KIF26B: variants seen among roughly 807,000 people sequenced by gnomAD.
KIF26B encodes kinesin family member 26B.
Under a neutral mutation model 151.2 loss-of-function variants are expected in KIF26B, and 63 were observed. The observed-to-expected ratio is 0.42, with a 90% CI of 0.34 to 0.51. KIF26B has a LOEUF of 0.51. KIF26B is among the 20% of genes least tolerant of loss of function. The pLI is 0.07. For missense variants in KIF26B, 2,813 were observed against 2,913.6 expected, an observed-to-expected ratio of 0.97 and a Z score of 0.79; for synonymous variants, 1,357 against 1,262.1, an observed-to-expected ratio of 1.08 and a Z score of -1.59.
Position 245,606,829 on chromosome 1 carries a change from G to A in KIF26B, c.1558-822G>A, listed in dbSNP as rs562697084. The stretch of plus-strand genomic sequence containing the variant: ...TGTAATCCCAGCACTTTGGGAGGCC[G>A]AGGCGGGTGGATCACCTGAGGTCAG... On this transcript the variant is annotated intron_variant, in intron 6 of 14. Transcript: ENST00000407071. This position sits in a 1 kb window ranked among gnomAD's most constrained non-coding sequence, Gnocchi z 4.6. 2.0e-5 allele frequency among the ~76,000 whole-genome samples: 3 copies of A among 152,164 alleles called. No homozygotes were observed. Among genetic ancestry groups the A allele is most frequent in the Non-Finnish European group, 2.9e-5 (2 of 68,028 alleles).
intron 2 of KIF26B, among the ~76,000 whole-genome samples, chr1:245,274,428 T>C (rs1573746637): frequency 6.7e-6 from 1 of 150,348 alleles, no homozygotes; most frequent in Non-Finnish European, 1.5e-5. Flanking sequence ...CCTGTGTCCA[T>C]ATATCCTCAT....
At chr1:245,263,696 C>T (rs994396205) in intron 2 of KIF26B, among the ~76,000 whole-genome samples, 46 of 152,156 alleles carry the variant, frequency 3.0e-4, no homozygotes, top group African/African-American at 1.1e-3. Flanking sequence ...CTTGCCAGAC[C>T]CATTTCCCCA....
At chr1:245,410,987 T>A (rs984598735) in intron 3 of KIF26B, among the ~76,000 whole-genome samples, 2 of 152,246 alleles carry the variant, frequency 1.3e-5, no homozygotes, top group Admixed American at 6.5e-5. Context: ...TTCTGTATTA[T>A]TTTTAAATAA....
chr1:245,410,896 A>T (rs903718408), intron 3 of KIF26B, among the ~76,000 whole-genome samples: 1 of 151,332 alleles, frequency 6.6e-6, no homozygotes, highest in African/African-American at 2.4e-5. Flanking sequence ...CCAAACTGTA[A>T]CTCTGCCCCC....
intron 3 of KIF26B, among the ~76,000 whole-genome samples, chr1:245,402,538 A>C (rs1674032086): frequency 6.6e-6 from 1 of 152,194 alleles, no homozygotes. Flanking sequence ...CCCAATGACT[A>C]GTTAAAAATT....
chr1:245,347,350 T>C (rs76101481), intron 2 of KIF26B, among the ~76,000 whole-genome samples: 3,710 of 152,212 alleles, frequency 0.024, 166 homozygotes, highest in African/African-American at 0.083. Flanking sequence ...GTCTTACCTG[T>C]CACCCAGGCT....
chr1:245,499,883 A>G (rs1301554160), intron 4 of KIF26B, among the ~76,000 whole-genome samples: 2 of 152,148 alleles, frequency 1.3e-5, no homozygotes, highest in Non-Finnish European at 2.9e-5. Context: ...CACAGTGGGG[A>G]ATGTATCAAA....
intron 2 of KIF26B, among the ~76,000 whole-genome samples, chr1:245,293,319 G>C (rs989007150): frequency 1.3e-5 from 2 of 152,118 alleles, no homozygotes; most frequent in African/African-American, 4.8e-5. Flanking sequence ...GCTGCAGGAG[G>C]GGGTGGTTGA....
chr1:245,674,388 T>C (rs1385477327), intron 10 of KIF26B, among the ~76,000 whole-genome samples: 2 of 152,218 alleles, frequency 1.3e-5, no homozygotes, highest in African/African-American at 4.8e-5. Flanking sequence ...AACATCATTA[T>C]TCCTAATCTG....
intron 2 of KIF26B, among the ~76,000 whole-genome samples, chr1:245,180,105 A>G (rs1668878475): frequency 1.3e-5 from 2 of 152,254 alleles, no homozygotes; most frequent in Non-Finnish European, 2.9e-5. Flanking sequence ...GACAGGCAAG[A>G]GGCTGTCGCC....
Position 245,399,360 on chromosome 1 carries a change from G to A in KIF26B, c.1000-20219G>A, listed in dbSNP as rs528251390. 5.3e-5 allele frequency among the ~76,000 whole-genome samples: 8 copies of A among 152,268 alleles called. No homozygotes were observed. The South Asian group carries it at 8.3e-4, about 16-fold the overall frequency. ...TATGTGAAGTGTTTTCCTGTGTATG[G>A]TGGAAGGGATGGGGGTGAGAAATTT... is the stretch of plus-strand genomic sequence containing the variant. On this transcript the variant is annotated intron_variant, in intron 3 of 14. Transcript: ENST00000407071.
rs1573685379 is a variant in KIF26B at position 245,170,179 on chromosome 1, T to C, written c.465+13496T>C. Among the ~76,000 whole-genome samples the C allele has an allele frequency of 2.0e-5, 3 of 152,266 alleles. No homozygotes were observed. In the Middle Eastern group the frequency reaches 0.01, roughly 518 times the overall value. On this transcript the variant is annotated intron_variant, in intron 2 of 14. Transcript: ENST00000407071. This position sits in a 1 kb window ranked among gnomAD's most constrained non-coding sequence, Gnocchi z 4.4. ...CCTGGGTGAGTCCTGGAAAGTGCCG[T>C]GATGCCATCCCACTGACATGGCCTC...
Position 245,401,794 on chromosome 1 carries a change from C to T in KIF26B, c.1000-17785C>T, listed in dbSNP as rs189076940. Reference sequence around the variant, plus strand: ...CTGAGGCATGAGAATTGCTTGAACTCGGGAGGCGGAGGTTGCAGTGAGCCT... The same window carrying T: ...CTGAGGCATGAGAATTGCTTGAACTTGGGAGGCGGAGGTTGCAGTGAGCCT... On this transcript the variant is annotated intron_variant, in intron 3 of 14. Coordinates refer to ENST00000407071, the MANE Select transcript of KIF26B (RefSeq NM_018012.4). 4.2e-3 allele frequency among the ~76,000 whole-genome samples: 635 copies of T among 152,248 alleles called. 3 individuals carry two copies. Among genetic ancestry groups the T allele is most frequent in the African/African-American group, 0.015 (619 of 41,548 alleles).
At chr1:245,422,603 A>G (rs1658516362) in intron 4 of KIF26B, among the ~76,000 whole-genome samples, 1 of 152,234 alleles carries the variant, frequency 6.6e-6, no homozygotes. Context: ...AAAGCTGTGT[A>G]AGGGGATGGT....
At chr1:245,316,207 C>T (rs181845968) in intron 2 of KIF26B, among the ~76,000 whole-genome samples, 7 of 151,752 alleles carry the variant, frequency 4.6e-5, no homozygotes, top group Admixed American at 2.0e-4. Context: ...TGTGAACCTC[C>T]GCCTCCCAGG....
intron 3 of KIF26B, among the ~76,000 whole-genome samples, chr1:245,380,075 G>A (rs1673372234): frequency 6.6e-6 from 1 of 151,972 alleles, no homozygotes; most frequent in South Asian, 2.1e-4. Context: ...TGATGAATTA[G>A]CATGCCTTTA....
In KIF26B at chr1:245,415,711, T is replaced by C. The variant is rs112963931; in HGVS notation, c.1000-3868T>C. On this transcript the variant is annotated intron_variant, in intron 3 of 14. Coordinates refer to ENST00000407071, the MANE Select transcript of KIF26B (RefSeq NM_018012.4). Reference sequence around the variant, plus strand: ...GGAAGTTGCTTTTGGAGCACTATCTTGCAGACTGTCTTTGCACAAGATATT... The same window carrying C: ...GGAAGTTGCTTTTGGAGCACTATCTCGCAGACTGTCTTTGCACAAGATATT... 6.6e-3 allele frequency among the ~76,000 whole-genome samples: 1,001 copies of C among 152,158 alleles called. 7 individuals are homozygous for C. Among genetic ancestry groups the C allele is most frequent in the African/African-American group, 0.023 (970 of 41,532 alleles).
intron 5 of KIF26B, among the ~76,000 whole-genome samples, chr1:245,580,174 C>T (rs932740555): frequency 2.6e-5 from 4 of 152,220 alleles, no homozygotes; most frequent in Non-Finnish European, 4.4e-5. Context: ...CGTCATAACA[C>T]GCTAAAACCC....
intron 2 of KIF26B, among the ~76,000 whole-genome samples, chr1:245,270,206 CT>C (rs770135965): frequency 0.039 from 4,111 of 104,350 alleles, 128 homozygotes; most frequent in Middle Eastern, 0.072. Flanking sequence ...TTTCCCTTCC[CT>C]TTCTTCTTCC....
Sources: gnomAD v4.1 joint callset for allele counts (sites outside exome capture counted in the v4.1 genomes callset) on GRCh38, gnomAD v4.1.1 for gene constraint, Gnocchi (gnomAD v3.1) non-coding constraint, MANE v1.5 for transcripts, NCBI Gene and HGNC (gene_info 2026-07-23, HGNC 2026-07-21) for gene names.